SLC24A2: variants seen among roughly 807,000 people sequenced by gnomAD.
SLC24A2 encodes the protein sodium/potassium/calcium exchanger 2.
A neutral mutation model predicts 62.0 loss-of-function variants in SLC24A2; 36 were observed. The observed-to-expected ratio is 0.58, with a 90% CI of 0.44 to 0.77. SLC24A2 has a LOEUF of 0.77. SLC24A2 is among the 30% of genes least tolerant of loss of function. SLC24A2 has a pLI of 0.00. For synonymous variants in SLC24A2, 358 were observed against 294.0 expected, an observed-to-expected ratio of 1.22 and a Z score of -2.23; for missense variants, 846 against 817.9, an observed-to-expected ratio of 1.03 and a Z score of -0.42.
the SLC24A2 span, among the ~76,000 whole-genome samples, chr9:19,977,113 T>TTGTGTC: frequency 6.9e-6 from 1 of 145,220 alleles, no homozygotes; most frequent in Non-Finnish European, 1.5e-5. Flanking sequence ...ATTTCTATAT[T>TTGTGTC]TGTGTGTGTG....
At chr9:20,252,597 G>A in the SLC24A2 span, among the ~76,000 whole-genome samples, 1 of 152,178 alleles carries the variant, frequency 6.6e-6, no homozygotes, top group Non-Finnish European at 1.5e-5. Context: ...TGAAACATTA[G>A]GCAAGGTGGA....
chr9:20,144,569 T>G, the SLC24A2 span, among the ~76,000 whole-genome samples: 1 of 152,180 alleles, frequency 6.6e-6, no homozygotes, highest in Non-Finnish European at 1.5e-5. Context: ...CAAGATCCAC[T>G]GTTTAACAAA....
intron 2 of SLC24A2, among the ~76,000 whole-genome samples, chr9:19,763,945 G>C (rs1480057712): frequency 2.0e-5 from 3 of 151,996 alleles, no homozygotes; most frequent in Non-Finnish European, 4.4e-5. Context: ...CTGGTCCCGG[G>C]CTTTTTTTGG....
the SLC24A2 span, among the ~76,000 whole-genome samples, chr9:19,965,556 C>G: frequency 1.3e-5 from 2 of 152,128 alleles, no homozygotes; most frequent in East Asian, 1.9e-4. Flanking sequence ...GTTGCTGGCT[C>G]GTGGTATGGC....
At chr9:20,253,330 C>A in the SLC24A2 span, among the ~76,000 whole-genome samples, 1 of 152,216 alleles carries the variant, frequency 6.6e-6, no homozygotes, top group Non-Finnish European at 1.5e-5. Flanking sequence ...TCAAAGCATT[C>A]ATGAATGCAC....
chr9:20,224,844 C>T, the SLC24A2 span, among the ~76,000 whole-genome samples: 1 of 152,038 alleles, frequency 6.6e-6, no homozygotes, highest in African/African-American at 2.4e-5. Flanking sequence ...CTGCTAACTG[C>T]TCACAGCTGC....
the SLC24A2 span, among the ~76,000 whole-genome samples, chr9:19,898,741 C>CAAAAAAAAAAAA: frequency 1.0e-5 from 1 of 97,256 alleles, no homozygotes; most frequent in Non-Finnish European, 1.9e-5. Flanking sequence ...GACTCCATCT[C>CAAAAAAAAAAAA]AAAAAAAAAA....
intron 2 of SLC24A2, among the ~76,000 whole-genome samples, chr9:19,722,244 A>G (rs1483538006): frequency 6.6e-6 from 1 of 152,192 alleles, no homozygotes; most frequent in South Asian, 2.1e-4. Context: ...AGAGGAAATC[A>G]GATACCATCT....
the SLC24A2 span, among the ~76,000 whole-genome samples, chr9:20,244,675 C>A: frequency 1.3e-5 from 2 of 152,322 alleles, no homozygotes; most frequent in East Asian, 3.9e-4. Flanking sequence ...TCCTCACCAT[C>A]TTTATGCATT....
the SLC24A2 span, among the ~76,000 whole-genome samples, chr9:19,867,970 T>A: frequency 6.6e-6 from 1 of 152,030 alleles, no homozygotes; most frequent in Non-Finnish European, 1.5e-5. Context: ...TTGTGTTTTG[T>A]CTTTTGATTT....
At chr9:19,854,276 G>A in the SLC24A2 span, among the ~76,000 whole-genome samples, 1 of 151,830 alleles carries the variant, frequency 6.6e-6, no homozygotes. Context: ...GATTTTTTTT[G>A]AAGGGTTTTT....
chr9:20,266,406 C>A, the SLC24A2 span, among the ~76,000 whole-genome samples: 1 of 152,118 alleles, frequency 6.6e-6, no homozygotes, highest in East Asian at 1.9e-4. Context: ...TTCCCCAATA[C>A]CCAGTCTCTG....
intron 9 of SLC24A2, among the ~76,000 whole-genome samples, chr9:19,521,392 T>C (rs1043198361): frequency 3.9e-5 from 6 of 152,182 alleles, no homozygotes; most frequent in African/African-American, 1.2e-4. Context: ...CAATTGGCCA[T>C]GGAATCCAGG....
the SLC24A2 span, among the ~76,000 whole-genome samples, chr9:20,153,626 T>C: frequency 5.9e-5 from 9 of 152,012 alleles, no homozygotes; most frequent in East Asian, 1.7e-3. Context: ...CTATGATTAC[T>C]ATGGGCTCAG....
chr9:19,914,007 C>G, the SLC24A2 span, among the ~76,000 whole-genome samples: 1 of 152,150 alleles, frequency 6.6e-6, no homozygotes, highest in Middle Eastern at 3.4e-3. Flanking sequence ...GTGGTATGCC[C>G]AATCTTGATT....
chr9:20,108,751 T>A, the SLC24A2 span, among the ~76,000 whole-genome samples: 1 of 151,850 alleles, frequency 6.6e-6, no homozygotes, highest in Non-Finnish European at 1.5e-5. Context: ...TAATGTTAAA[T>A]GATGAGTTAA....
chr9:20,287,554 C>T, the SLC24A2 span, among the ~76,000 whole-genome samples: 1 of 152,210 alleles, frequency 6.6e-6, no homozygotes, highest in South Asian at 2.1e-4. Flanking sequence ...CAAGTATAGA[C>T]TTTTCACTCA....
chr9:19,787,010 A>G lies in SLC24A2; in HGVS notation c.-144T>C. On this transcript the variant is annotated 5_prime_UTR_variant, in exon 2 of 11. The change abolishes an upstream ATG in the 5' untranslated region. Coordinates refer to ENST00000341998, the MANE Select transcript of SLC24A2 (RefSeq NM_020344.4). ...TTGTTATGCTTCACAGGAAACTTTC[A>G]TCATTTATGCTTAAATAAAAATAAA... The G allele has an allele frequency of 5.7e-6, 8 of 1,412,266 alleles. No homozygotes were observed. The South Asian group carries it at 1.0e-4, about 18-fold the overall frequency. The allele number at this position is 1,412,266 out of a possible 1,614,324, so 87.5% of individuals were successfully genotyped here. A position where few individuals can be genotyped will look rare whatever the true frequency, so the allele number is the denominator to read the frequency against.
chr9:19,641,316 G>T (rs1818486612), intron 2 of SLC24A2, among the ~76,000 whole-genome samples: 2 of 152,104 alleles, frequency 1.3e-5, no homozygotes, highest in Non-Finnish European at 2.9e-5. Flanking sequence ...TTCTGAATTT[G>T]TCTCCTCCAA....
Sources: allele counts gnomAD v4.1 joint callset (sites outside exome capture counted in the v4.1 genomes callset), GRCh38; gene constraint gnomAD v4.1.1; transcripts MANE v1.5; gene names NCBI Gene and HGNC (gene_info 2026-07-23, HGNC 2026-07-21).